TOX2: variants seen among roughly 807,000 people sequenced by gnomAD.
TOX2 encodes the protein granulosa cell HMG box 1.
In TOX2, 15 loss-of-function variants were observed where a neutral mutation model predicts 47.4. The ratio of observed to expected loss-of-function variants is 0.32; its 90% CI spans 0.21 to 0.49. The LOEUF (loss-of-function observed/expected upper bound fraction) is 0.49. Ranked by LOEUF, TOX2 falls within the 20% of genes least tolerant of loss-of-function variation. The pLI, the probability that TOX2 is intolerant of heterozygous loss-of-function variation, is 0.99. For missense variants in TOX2, 622 were observed against 673.1 expected, an observed-to-expected ratio of 0.92 and a Z score of 0.84; for synonymous variants, 290 against 296.6, an observed-to-expected ratio of 0.98 and a Z score of 0.23.
At chr20:43,948,732 G>A (rs1026600171) in intron 1 of TOX2, among the ~76,000 whole-genome samples, 1 of 152,240 alleles carries the variant, frequency 6.6e-6, no homozygotes, top group Non-Finnish European at 1.5e-5. Context: ...CATCTGGACA[G>A]TTGCAAAGGG....
chr20:44,055,032 C>G (rs1359905247), intron 5 of TOX2, among the ~76,000 whole-genome samples: 1 of 152,224 alleles, frequency 6.6e-6, no homozygotes. Flanking sequence ...GTGCTGGCTA[C>G]TCCTTCTCTG....
At chr20:43,922,559 C>A (rs564243676) in intron 1 of TOX2, among the ~76,000 whole-genome samples, 58 of 152,278 alleles carry the variant, frequency 3.8e-4, no homozygotes, top group African/African-American at 1.3e-3. Context: ...TTCAAACCTA[C>A]AGGATGATTT....
chr20:44,034,228 G>A (rs1197161610), intron 3 of TOX2, among the ~76,000 whole-genome samples: 1 of 151,948 alleles, frequency 6.6e-6, no homozygotes, highest in South Asian at 2.1e-4. Flanking sequence ...CAGACTTCAA[G>A]AGTCAGTTCA....
At chr20:43,995,792 T>G (rs1051156692) in intron 2 of TOX2, among the ~76,000 whole-genome samples, 5 of 152,264 alleles carry the variant, frequency 3.3e-5, no homozygotes, top group Admixed American at 3.3e-4. Flanking sequence ...ATTAGTTTAC[T>G]AAGGATAATG....
At chr20:44,010,679 G>A (rs2070764299) in intron 3 of TOX2, among the ~76,000 whole-genome samples, 2 of 152,086 alleles carry the variant, frequency 1.3e-5, no homozygotes, top group Non-Finnish European at 2.9e-5. Context: ...ACACCTGCTG[G>A]GTTTCAAGCA....
At chr20:44,062,216 TAA>T (rs2145789140) in intron 5 of TOX2, among the ~76,000 whole-genome samples, 2 of 152,158 alleles carry the variant, frequency 1.3e-5, no homozygotes, top group South Asian at 4.1e-4. Context: ...TAGAAAACCC[TAA>T]AGACTCATCC....
At chr20:44,009,936 G>C (rs1229042159) in intron 3 of TOX2, among the ~76,000 whole-genome samples, 1 of 152,164 alleles carries the variant, frequency 6.6e-6, no homozygotes, top group African/African-American at 2.4e-5. Flanking sequence ...CCAGACACCA[G>C]AATTAGATCC....
chr20:43,961,993 G>T (rs577203956), intron 1 of TOX2, among the ~76,000 whole-genome samples: 1 of 152,146 alleles, frequency 6.6e-6, no homozygotes, highest in African/African-American at 2.4e-5. Flanking sequence ...CCCTCACAGC[G>T]CCAAATGAAA....
At chr20:44,019,930 T>G (rs1243931147) in intron 3 of TOX2, among the ~76,000 whole-genome samples, 1 of 152,152 alleles carries the variant, frequency 6.6e-6, no homozygotes, top group Non-Finnish European at 1.5e-5. Context: ...ATTTCATGAA[T>G]GAGCTCCTCA....
chr20:44,044,350 C>T (rs900097000), intron 3 of TOX2, among the ~76,000 whole-genome samples: 5 of 151,158 alleles, frequency 3.3e-5, no homozygotes, highest in African/African-American at 1.2e-4. Context: ...GGGTGCAGCA[C>T]ACCAACAAGG....
intron 1 of TOX2, among the ~76,000 whole-genome samples, chr20:43,964,302 G>T (rs533694492): frequency 1.3e-5 from 2 of 152,112 alleles, no homozygotes; most frequent in Admixed American, 1.3e-4. Flanking sequence ...CATCTGTGCC[G>T]GGCTCTCTGC....
chr20:44,051,169 C>A, intron 3 of TOX2, 137 bp from the exon 4 acceptor site: 5 of 1,312,916 alleles, frequency 3.8e-6, no homozygotes, highest in Non-Finnish European at 5.2e-6. Context: ...TCTTGAGATT[C>A]ACCTGTCAGG....
At chr20:44,043,897 A>G (rs1339365575) in intron 3 of TOX2, among the ~76,000 whole-genome samples, 1 of 152,226 alleles carries the variant, frequency 6.6e-6, no homozygotes, top group Non-Finnish European at 1.5e-5. Flanking sequence ...TAAATTTTCT[A>G]AGAAATGGAC....
At chr20:44,000,515 G>T (rs1254135998) in intron 2 of TOX2, among the ~76,000 whole-genome samples, 2 of 152,108 alleles carry the variant, frequency 1.3e-5, no homozygotes, top group African/African-American at 4.8e-5. Context: ...GTTGTTTGAG[G>T]TATCAATTAA....
At chr20:44,027,650 G>A (rs1045127047) in intron 3 of TOX2, among the ~76,000 whole-genome samples, 4 of 152,206 alleles carry the variant, frequency 2.6e-5, no homozygotes, top group African/African-American at 4.8e-5. Flanking sequence ...GTGGCTGGTC[G>A]AGCTCAAATA....
At chr20:44,008,643 C>T (rs1392741028) in intron 3 of TOX2, among the ~76,000 whole-genome samples, 1 of 151,724 alleles carries the variant, frequency 6.6e-6, no homozygotes, top group Non-Finnish European at 1.5e-5. Flanking sequence ...TTTTTTATAC[C>T]ACAGAAAAAT....
At chr20:44,018,422 G>A (rs901512199) in intron 3 of TOX2, among the ~76,000 whole-genome samples, 7 of 152,126 alleles carry the variant, frequency 4.6e-5, no homozygotes, top group African/African-American at 1.2e-4. Flanking sequence ...AGCGACATTC[G>A]TCAGCTGCAG....
chr20:43,965,219 A>C (rs2069829356), intron 1 of TOX2, among the ~76,000 whole-genome samples: 1 of 152,110 alleles, frequency 6.6e-6, no homozygotes, highest in East Asian at 1.9e-4. Context: ...ATTGGGAGTA[A>C]GACTATTGAT....
At chr20:44,001,864 T>C (rs2070590125) in intron 2 of TOX2, among the ~76,000 whole-genome samples, 1 of 152,210 alleles carries the variant, frequency 6.6e-6, no homozygotes, top group Admixed American at 6.5e-5. Context: ...TTTATTGTGT[T>C]GTAATGAGTC....
Sources: allele counts gnomAD v4.1 joint callset (sites outside exome capture counted in the v4.1 genomes callset), GRCh38; gene constraint gnomAD v4.1.1; transcripts MANE v1.5; gene names NCBI Gene and HGNC (gene_info 2026-07-23, HGNC 2026-07-21).